Variants in MCPH1 observed in about 807,000 individuals in gnomAD.
The protein encoded by MCPH1 is microcephalin 1, also known as microcephalin.
A neutral mutation model predicts 84.5 loss-of-function variants in MCPH1; 104 were observed. The ratio of observed to expected loss-of-function variants is 1.23; its 90% CI spans 1.05 to 1.45. MCPH1 has a LOEUF of 1.45. MCPH1 is among the 40% of genes most tolerant of loss of function. The probability of loss-of-function intolerance (pLI) is 0.00; values close to 1 mark genes in which losing one functional copy is unlikely to be tolerated. For missense variants in MCPH1, 1,498 were observed against 1,005.7 expected (o/e 1.49, Z -6.62); for synonymous variants, 514 against 366.8 (o/e 1.40, Z -4.58).
At chr8:6,449,182 G>T (rs1285466370) in intron 8 of MCPH1, among the ~76,000 whole-genome samples, 1 of 152,196 alleles carries the variant, frequency 6.6e-6, no homozygotes, top group Non-Finnish European at 1.5e-5. Flanking sequence ...TAGATAATTT[G>T]CATTGAGCAT....
At chr8:6,559,467 C>T (rs1456208462) in intron 12 of MCPH1, among the ~76,000 whole-genome samples, 1 of 152,178 alleles carries the variant, frequency 6.6e-6, no homozygotes, top group Non-Finnish European at 1.5e-5. Context: ...TTGCAATTCA[C>T]ATTTACACTT....
chr8:6,444,367 G>A lies in MCPH1; in HGVS notation c.671-26G>A, dbSNP rs751168362. The stretch of plus-strand genomic sequence containing the variant: ...AGAATAATTTAAACCACTTTTAAAA[G>A]TTAGCTCTCCGTTAATGTTTTCCAG... On this transcript the variant is annotated intron_variant, in intron 7 of 13. Coordinates refer to ENST00000344683, the MANE Select transcript of MCPH1 (RefSeq NM_024596.5). The A allele has an allele frequency of 2.5e-6, 4 of 1,613,668 alleles. No homozygotes were observed. In the South Asian group the frequency reaches 3.3e-5, roughly 13 times the overall value.
chr8:6,440,015 C>T (rs1256512528), intron 6 of MCPH1, among the ~76,000 whole-genome samples: 1 of 152,046 alleles, frequency 6.6e-6, no homozygotes, highest in Non-Finnish European at 1.5e-5. Context: ...TCTGTTTTAC[C>T]TAAATTAGAT....
rs1798253556 is a variant in MCPH1 at position 6,647,152 on chromosome 8, C to G, written c.*4103C>G. On this transcript the variant is annotated 3_prime_UTR_variant, in exon 14 of 14. Transcript: ENST00000344683. ...AAGACAATTCATGCAAGAAGATATA[C>G]AAATATTAAGCACATTAAAATGCTC... The G allele has an allele frequency of 6.6e-6, 1 of 152,096 alleles. No homozygotes were observed. Among genetic ancestry groups the G allele is most frequent in the South Asian group, 2.1e-4 (1 of 4,820 alleles). The allele number at this position is 152,096 out of a possible 1,614,324, so 9.4% of individuals were successfully genotyped here.
At chr8:6,532,226 G>T (rs1288128866) in intron 12 of MCPH1, 9 of 1,276,412 alleles carry the variant, frequency 7.1e-6, no homozygotes, top group Admixed American at 2.1e-5. Flanking sequence ...CTCCTGTGGT[G>T]GTGCTTTCTT....
intron 9 of MCPH1, among the ~76,000 whole-genome samples, chr8:6,476,512 G>C (rs2515590): frequency 0.99 from 149,928 of 152,138 alleles, 73,906 homozygotes; most frequent in East Asian, 1. Context: ...ACTCAGATGT[G>C]TACTTCCTGA....
In MCPH1 at chr8:6,472,994, T is replaced by A. The variant is rs150299537; in HGVS notation, c.1936-4600T>A. 5.6e-3 allele frequency among the ~76,000 whole-genome samples: 849 copies of A among 152,282 alleles called. 8 individuals are homozygous for A. The highest frequency in any genetic ancestry group is 0.02 in the African/African-American group (830 of 41,566). ...TAGCTCTTTCCTAAGAGACACGATT[T>A]CTTGAATACTCAAGGGTAAAATAAA... On this transcript the variant is annotated intron_variant, in intron 9 of 13. Coordinates refer to ENST00000344683, the MANE Select transcript of MCPH1 (RefSeq NM_024596.5).
chr8:6,488,815 T>C (rs1586069781), intron 11 of MCPH1, among the ~76,000 whole-genome samples: 1 of 151,362 alleles, frequency 6.6e-6, no homozygotes, highest in African/African-American at 2.4e-5. Flanking sequence ...TGCAGGGAGG[T>C]AAGAACAGGG....
intron 2 of MCPH1, among the ~76,000 whole-genome samples, chr8:6,413,345 A>C (rs911376962): frequency 3.3e-5 from 5 of 151,068 alleles, no homozygotes; most frequent in African/African-American, 1.2e-4. Flanking sequence ...CCTTTCGCCA[A>C]CCATGCTGGA....
chr8:6,538,048 C>T (rs1343708371), intron 12 of MCPH1, among the ~76,000 whole-genome samples: 2 of 152,158 alleles, frequency 1.3e-5, no homozygotes, highest in Non-Finnish European at 2.9e-5. Context: ...AAACTTTTTA[C>T]TGTTGCCCAT....
At chr8:6,524,011 A>G (rs1486719140) in intron 12 of MCPH1, among the ~76,000 whole-genome samples, 1 of 152,152 alleles carries the variant, frequency 6.6e-6, no homozygotes, top group African/African-American at 2.4e-5. Flanking sequence ...AGATGTTTCA[A>G]TATCTTCATT....
rs550941192 is a variant in MCPH1 at position 6,633,798 on chromosome 8, T to G, written c.2453-9196T>G. On this transcript the variant is annotated intron_variant, in intron 13 of 13. Coordinates refer to ENST00000344683, the MANE Select transcript of MCPH1 (RefSeq NM_024596.5). ...AACTCCATGCATTACTCACTGTGGT[T>G]TTTTGCTTATTCTCTGCAGTGTCAT... is the stretch of plus-strand genomic sequence containing the variant. Among the ~76,000 whole-genome samples the G allele has an allele frequency of 5.9e-5, 9 of 152,294 alleles. No homozygotes were observed. In the South Asian group the frequency reaches 1.9e-3, roughly 32 times the overall value.
intron 13 of MCPH1, among the ~76,000 whole-genome samples, chr8:6,636,765 G>C (rs1263554403): frequency 2.0e-5 from 3 of 152,184 alleles, no homozygotes; most frequent in Admixed American, 6.5e-5. Flanking sequence ...CTATCTTCAA[G>C]ATCTCTCATT....
At chr8:6,633,212 A>T (rs1484334824) in intron 13 of MCPH1, among the ~76,000 whole-genome samples, 2 of 106,452 alleles carry the variant, frequency 1.9e-5, no homozygotes, top group Non-Finnish European at 3.9e-5. Context: ...AGGGAATAAA[A>T]TAAAAAAAAA....
chr8:6,542,537 C>T (rs1398530438), intron 12 of MCPH1, among the ~76,000 whole-genome samples: 1 of 152,000 alleles, frequency 6.6e-6, no homozygotes, highest in Non-Finnish European at 1.5e-5. Flanking sequence ...TAACTTAAAC[C>T]CTGGTCTCCC....
intron 12 of MCPH1, among the ~76,000 whole-genome samples, chr8:6,566,457 A>C (rs7817104): frequency 1.3e-5 from 2 of 152,276 alleles, no homozygotes; most frequent in East Asian, 3.9e-4. Context: ...AAGGCTATTG[A>C]CACTGTACGC....
In MCPH1 at chr8:6,486,286, CTCTCTCTCTG is replaced by C. The variant is rs1586056130; in HGVS notation, c.2136+5411_2136+5420del. On this transcript the variant is annotated intron_variant, in intron 11 of 13. Transcript: ENST00000344683. ...AATCTCTCTCTCTCTCTCTCTCTCT[CTCTCTCTCTG>C]GCACTCTCGCTCTCTCGCTCTCTCG... is the stretch of plus-strand genomic sequence containing the variant. Among the ~76,000 whole-genome samples, 3 of 144,956 alleles carry C rather than the reference CTCTCTCTCTG, an allele frequency of 2.1e-5. No individual in the cohort carries two copies. In the East Asian group the frequency reaches 6.2e-4, roughly 30 times the overall value.
chr8:6,488,808 A>C (rs1480789071), intron 11 of MCPH1, among the ~76,000 whole-genome samples: 11 of 152,124 alleles, frequency 7.2e-5, no homozygotes, highest in Admixed American at 7.2e-4. Context: ...AATGGATTGC[A>C]GGGAGGTAAG....
At chr8:6,426,402 T>G (rs1038046514) in intron 3 of MCPH1, among the ~76,000 whole-genome samples, 2 of 152,218 alleles carry the variant, frequency 1.3e-5, no homozygotes, top group African/African-American at 4.8e-5. Flanking sequence ...CATTAAAGAT[T>G]AGTGTCACCA....
Sources: allele counts gnomAD v4.1 joint callset (sites outside exome capture counted in the v4.1 genomes callset), GRCh38; gene constraint gnomAD v4.1.1; transcripts MANE v1.5; gene names NCBI Gene and HGNC (gene_info 2026-07-23, HGNC 2026-07-21).